The following SDK1 variants were observed in gnomAD, a reference collection of about 807,000 sequenced individuals.
SDK1 encodes the protein sidekick cell adhesion molecule 1, also known as protein sidekick-1.
A neutral mutation model predicts 245.5 loss-of-function variants in SDK1; 157 were observed. That is an observed-to-expected ratio of 0.64 (90% confidence interval 0.56 to 0.73). The LOEUF (loss-of-function observed/expected upper bound fraction) is 0.73, where lower values mean the gene tolerates loss of function less well. SDK1 is among the 30% of genes least tolerant of loss of function. The pLI, the probability that SDK1 is intolerant of heterozygous loss-of-function variation, is 0.00. For missense variants in SDK1, 3,583 were observed against 3,002.3 expected, an observed-to-expected ratio of 1.19 and a Z score of -4.52; for synonymous variants, 1,647 against 1,278.5, an observed-to-expected ratio of 1.29 and a Z score of -6.15.
At chr7:4,259,056 T>G (rs1027794002) in intron 44 of SDK1, among the ~76,000 whole-genome samples, 2 of 152,220 alleles carry the variant, frequency 1.3e-5, no homozygotes, top group African/African-American at 4.8e-5. Flanking sequence ...TTCCTTCAGA[T>G]GATCTTTGTT....
At chr7:4,056,788 C>T (rs890686629) in intron 19 of SDK1, among the ~76,000 whole-genome samples, 19 of 152,288 alleles carry the variant, frequency 1.2e-4, no homozygotes, top group African/African-American at 3.6e-4. Context: ...AGCCCAGCCC[C>T]ACCAGAACAT....
intron 24 of SDK1, 64 bp from the exon 25 acceptor site, chr7:4,113,973 T>A: frequency 7.0e-7 from 1 of 1,428,840 alleles, no homozygotes; most frequent in Non-Finnish European, 9.8e-7. Context: ...GGCCCATCCC[T>A]TACAACCCGT....
intron 37 of SDK1, among the ~76,000 whole-genome samples, chr7:4,209,659 C>T (rs1407274856): frequency 7.9e-5 from 12 of 152,090 alleles, no homozygotes; most frequent in East Asian, 1.9e-4. Flanking sequence ...TCCGTCTCTC[C>T]GGCAAAGAGC....
intron 1 of SDK1, among the ~76,000 whole-genome samples, chr7:3,445,210 G>A (rs1293499885): frequency 2.0e-5 from 3 of 152,064 alleles, no homozygotes; most frequent in Admixed American, 1.3e-4. Context: ...ATTCTTTTAA[G>A]AATTCACATT....
At chr7:3,431,552 AT>A (rs1380705492) in intron 1 of SDK1, among the ~76,000 whole-genome samples, 3 of 151,850 alleles carry the variant, frequency 2.0e-5, no homozygotes, top group Non-Finnish European at 4.4e-5. Context: ...TACCAAATCA[AT>A]TTTTTTTAGT....
chr7:4,010,601 T>C (rs1785867761), intron 14 of SDK1, among the ~76,000 whole-genome samples: 1 of 152,238 alleles, frequency 6.6e-6, no homozygotes, highest in African/African-American at 2.4e-5. Context: ...AGCATCCTTT[T>C]CTGGGAGACA....
chr7:3,786,253 A>G (rs1317290471), intron 4 of SDK1, among the ~76,000 whole-genome samples: 1 of 152,196 alleles, frequency 6.6e-6, no homozygotes, highest in Non-Finnish European at 1.5e-5. Flanking sequence ...CCTGTTTTGT[A>G]GTTATTATCT....
intron 1 of SDK1, among the ~76,000 whole-genome samples, chr7:3,510,595 C>A (rs1276483524): frequency 6.6e-6 from 1 of 152,080 alleles, no homozygotes; most frequent in Non-Finnish European, 1.5e-5. Context: ...AATACAGGCT[C>A]AGAGAATGGC....
chr7:3,392,888 T>G (rs1239118697), intron 1 of SDK1, among the ~76,000 whole-genome samples: 18 of 151,910 alleles, frequency 1.2e-4, no homozygotes. Context: ...GGTTGTTGCC[T>G]CCTTTTGGCT....
intron 13 of SDK1, among the ~76,000 whole-genome samples, chr7:3,985,046 G>T (rs1370513098): frequency 6.6e-6 from 1 of 152,136 alleles, no homozygotes; most frequent in African/African-American, 2.4e-5. Context: ...ACTCCCCAGA[G>T]GTCAGAAGGC....
chr7:4,095,215 C>G (rs1464000841), intron 22 of SDK1, among the ~76,000 whole-genome samples: 1 of 141,128 alleles, frequency 7.1e-6, no homozygotes, highest in East Asian at 2.1e-4. Context: ...CTCAGCTCCC[C>G]CACATCTGAG....
At chr7:4,092,193 C>G (rs1781851271) in intron 22 of SDK1, among the ~76,000 whole-genome samples, 1 of 152,188 alleles carries the variant, frequency 6.6e-6, no homozygotes, top group African/African-American at 2.4e-5. Flanking sequence ...CATGGTGTTA[C>G]ATTGACTTCT....
At chr7:3,958,576 G>C (rs1397471254) in intron 7 of SDK1, among the ~76,000 whole-genome samples, 2 of 152,220 alleles carry the variant, frequency 1.3e-5, no homozygotes, top group South Asian at 4.1e-4. Context: ...TCACGAGCTC[G>C]TGTTTAGTTT....
chr7:3,459,406 A>C (rs1012218813), intron 1 of SDK1, among the ~76,000 whole-genome samples: 6 of 152,194 alleles, frequency 3.9e-5, no homozygotes, highest in Non-Finnish European at 8.8e-5. Context: ...TCTGATGTTG[A>C]CAGGCAGTCG....
At chr7:3,676,635 AT>A (rs765834985) in intron 4 of SDK1, among the ~76,000 whole-genome samples, 5 of 152,220 alleles carry the variant, frequency 3.3e-5, no homozygotes, top group Non-Finnish European at 5.9e-5. Flanking sequence ...CTCTTCTAAT[AT>A]TTTTTAAGCT....
At chr7:4,237,995 C>A (rs1251654453) in intron 42 of SDK1, among the ~76,000 whole-genome samples, 1 of 152,190 alleles carries the variant, frequency 6.6e-6, no homozygotes, top group East Asian at 1.9e-4. Context: ...GCTGACCCTG[C>A]CTGCCCTCAG....
intron 1 of SDK1, among the ~76,000 whole-genome samples, chr7:3,480,005 C>G (rs1431039497): frequency 1.3e-5 from 2 of 152,004 alleles, no homozygotes; most frequent in African/African-American, 4.8e-5. Context: ...CTGTCCACGC[C>G]CAAAGTAAAG....
At chr7:3,620,158 C>G (rs913862483) in intron 2 of SDK1, among the ~76,000 whole-genome samples, 1 of 152,108 alleles carries the variant, frequency 6.6e-6, no homozygotes, top group Admixed American at 6.5e-5. Flanking sequence ...ATAGCCCACC[C>G]ACTCACTCTC....
chr7:3,991,522 C>T (rs527537702), intron 14 of SDK1, among the ~76,000 whole-genome samples: 1 of 152,298 alleles, frequency 6.6e-6, no homozygotes, highest in South Asian at 2.1e-4. Flanking sequence ...GTCCTCTGTG[C>T]TGTGACACCA....
Sources: allele counts gnomAD v4.1 joint callset (sites outside exome capture counted in the v4.1 genomes callset), GRCh38; gene constraint gnomAD v4.1.1; transcripts MANE v1.5; gene names NCBI Gene and HGNC (gene_info 2026-07-23, HGNC 2026-07-21).